The following TNNI3K variants were observed in gnomAD, a reference collection of about 807,000 sequenced individuals.
The protein encoded by TNNI3K is TNNI3 interacting kinase.
A neutral mutation model predicts 114.5 loss-of-function variants in TNNI3K; 140 were observed. The ratio of observed to expected loss-of-function variants is 1.22; its 90% CI spans 1.07 to 1.41. The LOEUF (loss-of-function observed/expected upper bound fraction) is 1.41. TNNI3K is among the 40% of genes most tolerant of loss of function. The pLI, the probability that TNNI3K is intolerant of heterozygous loss-of-function variation, is 0.00. For missense variants in TNNI3K, 1,125 were observed against 1,007.6 expected, an observed-to-expected ratio of 1.12 and a Z score of -1.58; for synonymous variants, 347 against 347.5, an observed-to-expected ratio of 1.00 and a Z score of 0.02.
chr1:74,355,151 C>A (rs906934550), intron 11 of TNNI3K, among the ~76,000 whole-genome samples: 1 of 152,120 alleles, frequency 6.6e-6, no homozygotes, highest in Non-Finnish European at 1.5e-5. Context: ...GTTATTTTAA[C>A]TTTTGATGAC....
intron 9 of TNNI3K, among the ~76,000 whole-genome samples, chr1:74,347,195 G>A (rs367894615): frequency 1.2e-4 from 15 of 125,136 alleles, no homozygotes; most frequent in East Asian, 2.4e-4. Flanking sequence ...GCTCCCCTTC[G>A]TGTGTCCATG....
chr1:74,483,185 T>C lies in TNNI3K; in HGVS notation c.2122-6004T>C, dbSNP rs1668588472. On this transcript the variant is annotated intron_variant, in intron 21 of 24. Coordinates refer to ENST00000326637, the MANE Select transcript of TNNI3K (RefSeq NM_015978.3). ...CTCTTAAGCTGAGCCCAGAGAACAG[T>C]CAGTACAATGAAAGGTATGGCAACC... 4 of 696,900 alleles carry C rather than the reference T, an allele frequency of 5.7e-6. No homozygotes were observed. In the South Asian group the frequency reaches 6.2e-5, roughly 11 times the overall value. The allele number at this position is 696,900 out of a possible 1,614,324, so 43.2% of individuals were successfully genotyped here.
chr1:74,451,986 CCACTGAAAT>C (rs1280563595), intron 20 of TNNI3K, among the ~76,000 whole-genome samples: 1 of 151,750 alleles, frequency 6.6e-6, no homozygotes, highest in African/African-American at 2.4e-5. Context: ...CTCTAAACAT[CCACTGAAAT>C]AATATTTTAA....
At position 74,440,628 on chromosome 1, in the gene TNNI3K, G is replaced by C. The variant is rs564405132; in HGVS notation, c.2011+1006G>C. Among the ~76,000 whole-genome samples, 3 of 152,128 alleles carry C rather than the reference G, an allele frequency of 2.0e-5. No individual in the cohort carries two copies. The East Asian group carries it at 5.8e-4, about 29-fold the overall frequency. On this transcript the variant is annotated intron_variant, in intron 20 of 24. Coordinates refer to ENST00000326637, the MANE Select transcript of TNNI3K (RefSeq NM_015978.3). ...TTAATTACACCCTGCATAGCAGAGT[G>C]CTTTTCACAGGTTATGTGCTCTGTG... is the stretch of plus-strand genomic sequence containing the variant.
chr1:74,405,981 T>C (rs970927197), intron 17 of TNNI3K, among the ~76,000 whole-genome samples: 4 of 152,250 alleles, frequency 2.6e-5, no homozygotes, highest in African/African-American at 9.6e-5. Flanking sequence ...CATACATTTA[T>C]CATCTCACAG....
chr1:74,322,133 G>T (rs1225551422), intron 5 of TNNI3K, among the ~76,000 whole-genome samples: 2 of 152,148 alleles, frequency 1.3e-5, no homozygotes, highest in East Asian at 3.8e-4. Context: ...AATTTTAATT[G>T]ACATAGCTTT....
chr1:74,533,677 G>C (rs1019102169), intron 23 of TNNI3K, among the ~76,000 whole-genome samples: 10 of 151,808 alleles, frequency 6.6e-5, no homozygotes, highest in Non-Finnish European at 1.3e-4. Context: ...GTCCAACAAT[G>C]ATAGACTGGA....
chr1:74,532,879 T>C (rs1182975298), intron 23 of TNNI3K, among the ~76,000 whole-genome samples: 1 of 152,146 alleles, frequency 6.6e-6, no homozygotes, highest in Non-Finnish European at 1.5e-5. Flanking sequence ...AAGCTGAAAC[T>C]GGATCCCTTC....
intron 5 of TNNI3K, among the ~76,000 whole-genome samples, chr1:74,290,008 A>G (rs1359185886): frequency 2.0e-5 from 3 of 151,690 alleles, no homozygotes; most frequent in Admixed American, 1.3e-4. Flanking sequence ...TTGGTGTCTT[A>G]TTGTCTCTAT....
intron 9 of TNNI3K, 26 bp from the exon 10 acceptor site, chr1:74,353,240 T>C: frequency 6.2e-7 from 1 of 1,603,202 alleles, no homozygotes; most frequent in Non-Finnish European, 8.5e-7. Context: ...CTTCTATCTT[T>C]CTTGTTTTAT....
intron 5 of TNNI3K, among the ~76,000 whole-genome samples, chr1:74,295,914 TTTAAG>T (rs1225865516): frequency 6.6e-6 from 1 of 152,174 alleles, no homozygotes; most frequent in African/African-American, 2.4e-5. Context: ...TCTGTCTTCT[TTTAAG>T]TTAAGTATTT....
intron 17 of TNNI3K, among the ~76,000 whole-genome samples, chr1:74,428,005 A>C (rs576121987): frequency 2.6e-4 from 39 of 151,706 alleles, no homozygotes; most frequent in African/African-American, 4.4e-4. Context: ...CTTATAATCC[A>C]CCTCTTCAAT....
At chr1:74,434,582 G>A (rs184184280) in intron 17 of TNNI3K, among the ~76,000 whole-genome samples, 26 of 151,966 alleles carry the variant, frequency 1.7e-4, no homozygotes, top group Non-Finnish European at 2.2e-4. Flanking sequence ...GTAGTACAGC[G>A]TGTAGATGCA....
chr1:74,304,752 A>C (rs1658524023), intron 5 of TNNI3K, among the ~76,000 whole-genome samples: 1 of 152,204 alleles, frequency 6.6e-6, no homozygotes, highest in East Asian at 1.9e-4. Flanking sequence ...GCTGACAATA[A>C]AATATTTTAA....
At chr1:74,445,737 AGTAGCTGG>A (rs1314616624) in intron 20 of TNNI3K, among the ~76,000 whole-genome samples, 1 of 150,018 alleles carries the variant, frequency 6.7e-6, no homozygotes. Flanking sequence ...CAGCCTCCCA[AGTAGCTGG>A]GACTACAGGC....
intron 6 of TNNI3K, among the ~76,000 whole-genome samples, chr1:74,333,322 G>C (rs1660307763): frequency 6.6e-6 from 1 of 152,220 alleles, no homozygotes. Context: ...GTGCAATGAA[G>C]AGCTGGGCAC....
At chr1:74,453,601 C>G (rs1667113862) in intron 20 of TNNI3K, among the ~76,000 whole-genome samples, 1 of 152,160 alleles carries the variant, frequency 6.6e-6, no homozygotes, top group Non-Finnish European at 1.5e-5. Context: ...TTAGCATTGA[C>G]TCCTACACAA....
intron 5 of TNNI3K, among the ~76,000 whole-genome samples, chr1:74,284,838 G>A (rs866139917): frequency 2.0e-5 from 3 of 152,150 alleles, no homozygotes; most frequent in Non-Finnish European, 2.9e-5. Context: ...GGCATAAATG[G>A]GCTAACTCCT....
intron 21 of TNNI3K, chr1:74,475,568 T>A (rs1229967361): frequency 5.6e-6 from 4 of 717,360 alleles, no homozygotes; most frequent in Middle Eastern, 2.3e-4. Context: ...GCTTGATGGC[T>A]ATTTTCCTGT....
Sources: gnomAD v4.1 joint callset for allele counts (sites outside exome capture counted in the v4.1 genomes callset) on GRCh38, gnomAD v4.1.1 for gene constraint, MANE v1.5 for transcripts, NCBI Gene and HGNC (gene_info 2026-07-23, HGNC 2026-07-21) for gene names.